Variants in GSE1 observed in about 807,000 individuals in gnomAD.
GSE1 encodes the protein Gse1 coiled-coil protein.
In GSE1, 32 loss-of-function variants were observed where a neutral mutation model predicts 112.6. The ratio of observed to expected loss-of-function variants is 0.28; its 90% confidence interval spans 0.21 to 0.38. The LOEUF (loss-of-function observed/expected upper bound fraction) is 0.38. GSE1 is among the 10% of genes least tolerant of loss of function. The probability of loss-of-function intolerance (pLI) is 1.00; values close to 1 mark genes in which losing one functional copy is unlikely to be tolerated. For missense variants in GSE1, 2,348 were observed against 1,699.2 expected (o/e 1.38, Z -6.71); for synonymous variants, 1,115 against 735.6 (o/e 1.52, Z -8.35).
At position 85,232,888 on chromosome 16, in the gene GSE1, C is replaced by T. The variant is rs572447750; in HGVS notation, c.2283+61081C>T. Among the ~76,000 whole-genome samples, 6 of 152,224 alleles carry T rather than the reference C, an allele frequency of 3.9e-5. No individual in the cohort carries two copies. In the East Asian group the frequency reaches 9.6e-4, roughly 24 times the overall value. The stretch of plus-strand genomic sequence containing the variant: ...CAAATGAATGAATGAATGAATGGTC[C>T]CAGGTGTGAATTAATGAATGGCTCC... On this transcript the variant is annotated intron_variant, in intron 1 of 2. Coordinates refer to the GSE1 transcript ENST00000637419.
upstream of GSE1, among the ~76,000 whole-genome samples, chr16:85,552,215 C>T (rs1274376435): frequency 4.6e-5 from 7 of 151,758 alleles, no homozygotes; most frequent in African/African-American, 1.5e-4. Flanking sequence ...TTAGTAGAGA[C>T]GGGGTTTCAC....
At chr16:85,465,966 A>T (rs1048316537) in intron 2 of GSE1, among the ~76,000 whole-genome samples, 1 of 152,216 alleles carries the variant, frequency 6.6e-6, no homozygotes, top group Admixed American at 6.5e-5. Context: ...GTCAGTCTGT[A>T]CTTTGGGATG....
intron 2 of GSE1, among the ~76,000 whole-genome samples, chr16:85,635,713 G>A (rs749213850): frequency 7.9e-5 from 12 of 152,192 alleles, no homozygotes; most frequent in Admixed American, 1.3e-4. Context: ...CGGGCGGCAC[G>A]TGACTGGCGC....
At chr16:85,198,685 C>T (rs1160759224) in intron 1 of GSE1, among the ~76,000 whole-genome samples, 2 of 152,126 alleles carry the variant, frequency 1.3e-5, no homozygotes, top group Non-Finnish European at 2.9e-5. Context: ...TTTGATTCCG[C>T]CCTACACTGC....
intron 2 of GSE1, among the ~76,000 whole-genome samples, chr16:85,495,016 G>A (rs1004862809): frequency 2.6e-5 from 4 of 152,226 alleles, no homozygotes; most frequent in African/African-American, 4.8e-5. Flanking sequence ...TGCTGGGTCC[G>A]GCCCGGCCCA....
intron 2 of GSE1, among the ~76,000 whole-genome samples, chr16:85,500,892 A>G (rs575157636): frequency 6.6e-6 from 1 of 151,642 alleles, no homozygotes; most frequent in Admixed American, 6.6e-5. Flanking sequence ...TGCCTCTGTC[A>G]GCACGTGGCT....
intron 2 of GSE1, among the ~76,000 whole-genome samples, chr16:85,534,839 C>A (rs1002974491): frequency 6.6e-6 from 1 of 152,220 alleles, no homozygotes; most frequent in African/African-American, 2.4e-5. Context: ...TAGCCTGTTC[C>A]TTCTGCTGCG....
chr16:85,535,913 G>A (rs2044310294), intron 2 of GSE1, among the ~76,000 whole-genome samples: 1 of 152,244 alleles, frequency 6.6e-6, no homozygotes, highest in Admixed American at 6.5e-5. Flanking sequence ...GCATTCATTG[G>A]GCACCTGCTG....
At chr16:85,536,574 G>A (rs978135798) in intron 2 of GSE1, among the ~76,000 whole-genome samples, 15 of 152,328 alleles carry the variant, frequency 9.8e-5, no homozygotes, top group African/African-American at 3.4e-4. Flanking sequence ...TGTTTCACAC[G>A]GTCGGGTGGC....
intron 2 of GSE1, among the ~76,000 whole-genome samples, chr16:85,446,481 G>T (rs906236659): frequency 1.2e-4 from 18 of 152,226 alleles, no homozygotes; most frequent in African/African-American, 4.3e-4. Flanking sequence ...ACTCGGCATT[G>T]CTGGTGGCTC....
At chr16:85,559,005 C>G (rs1353793424) in intron 1 of GSE1, among the ~76,000 whole-genome samples, 1 of 152,066 alleles carries the variant, frequency 6.6e-6, no homozygotes, top group Non-Finnish European at 1.5e-5. Context: ...TTACAGACAC[C>G]CACGACCATG....
At chr16:85,509,495 C>G (rs1285501733) in intron 2 of GSE1, among the ~76,000 whole-genome samples, 1 of 152,238 alleles carries the variant, frequency 6.6e-6, no homozygotes, top group Non-Finnish European at 1.5e-5. Flanking sequence ...GGTCATCGTC[C>G]TTGGTCACCC....
chr16:85,609,032 G>A (rs555522715), upstream of GSE1, among the ~76,000 whole-genome samples: 2 of 152,306 alleles, frequency 1.3e-5, no homozygotes, highest in South Asian at 2.1e-4. Context: ...GGGCTAGGCC[G>A]TGTGCTCAGA....
chr16:85,430,893 G>A (rs923686184), intron 2 of GSE1, among the ~76,000 whole-genome samples: 6 of 152,230 alleles, frequency 3.9e-5, no homozygotes, highest in Admixed American at 3.9e-4. Context: ...AGGTCAGCGT[G>A]AGGCCTGGGA....
intron 1 of GSE1, among the ~76,000 whole-genome samples, chr16:85,208,667 T>C (rs938737135): frequency 6.7e-6 from 1 of 148,676 alleles, no homozygotes; most frequent in African/African-American, 2.5e-5. Flanking sequence ...CTCTCCCTTG[T>C]TTTTTTTTTT....
rs148190302 is a variant in GSE1 at position 85,662,051 on chromosome 16, G to A, written c.2260+286G>A. Among the ~76,000 whole-genome samples, 285 of 152,368 alleles carry A rather than the reference G, an allele frequency of 1.9e-3. 1 individual carries two copies. Among genetic ancestry groups the A allele is most frequent in the African/African-American group, 6.5e-3 (272 of 41,592 alleles). Reference sequence around the variant, plus strand: ...TTCCGCAGACAAGCATGATGAATAAGTGATGAGCGGAGGCTAATAAGATAG... The same window carrying A: ...TTCCGCAGACAAGCATGATGAATAAATGATGAGCGGAGGCTAATAAGATAG... On this transcript the variant is annotated intron_variant, in intron 9 of 15. Transcript: ENST00000253458.
At chr16:85,455,781 C>G (rs2049810168) in intron 2 of GSE1, among the ~76,000 whole-genome samples, 2 of 152,340 alleles carry the variant, frequency 1.3e-5, no homozygotes, top group South Asian at 4.1e-4. Flanking sequence ...GACCCATCCA[C>G]GTGCAGGCAG....
chr16:85,587,286 T>G (rs1282269686), intron 1 of GSE1, among the ~76,000 whole-genome samples: 2 of 152,172 alleles, frequency 1.3e-5, no homozygotes, highest in Non-Finnish European at 2.9e-5. Flanking sequence ...CCCCAATTGC[T>G]AGCAGATGGC....
At position 85,478,964 on chromosome 16, in the gene GSE1, TTTCC is replaced by T. The variant is rs59055887; in HGVS notation, c.2464+121349_2464+121352del. 4.0e-3 allele frequency among the ~76,000 whole-genome samples: 248 copies of T among 62,136 alleles called. 48 individuals carry two copies. Among genetic ancestry groups the T allele is most frequent in the African/African-American group, 0.012 (157 of 12,928 alleles). The allele number at this position is 62,136 out of a possible 152,430, so 40.8% of individuals were successfully genotyped here. ...TTCTTTCTTTTTTTTTCTTTCTTTC[TTTCC>T]TTCCTTCCTTCCTTCCTTCCTTCCT... On this transcript the variant is annotated intron_variant, in intron 2 of 2. Coordinates refer to the GSE1 transcript ENST00000637419.
Sources: allele counts gnomAD v4.1 joint callset (sites outside exome capture counted in the v4.1 genomes callset), GRCh38; gene constraint gnomAD v4.1.1; transcripts MANE v1.5; gene names NCBI Gene and HGNC (gene_info 2026-07-23, HGNC 2026-07-21).